APP: variants seen among roughly 807,000 people sequenced by gnomAD.
APP encodes amyloid beta precursor protein.
A neutral mutation model predicts 101.4 loss-of-function variants in APP; 31 were observed. That is an observed-to-expected ratio of 0.31 (90% CI 0.23 to 0.41). The LOEUF (loss-of-function observed/expected upper bound fraction) is 0.41, where lower values mean the gene tolerates loss of function less well. Ranked by LOEUF, APP falls within the 10% of genes least tolerant of loss-of-function variation. The probability of loss-of-function intolerance (pLI) is 1.00; values close to 1 mark genes in which losing one functional copy is unlikely to be tolerated. For missense variants in APP, 839 were observed against 1,003.7 expected (o/e 0.84, Z 2.22); for synonymous variants, 366 against 364.4 (o/e 1.00, Z -0.05).
At chr21:26,034,760 T>C (rs1012881795) in intron 5 of APP, among the ~76,000 whole-genome samples, 2 of 152,170 alleles carry the variant, frequency 1.3e-5, no homozygotes, top group African/African-American at 2.4e-5. Context: ...AAATTGTGTA[T>C]GAAAAGCCAT....
At chr21:26,032,744 A>T (rs916908353) in intron 5 of APP, among the ~76,000 whole-genome samples, 7 of 151,884 alleles carry the variant, frequency 4.6e-5, no homozygotes, top group African/African-American at 1.7e-4. Context: ...TGGTATAAAA[A>T]TATCATTTGT....
intron 1 of APP, among the ~76,000 whole-genome samples, chr21:26,131,454 CAT>C (rs1361038377): frequency 1.3e-5 from 2 of 152,120 alleles, no homozygotes; most frequent in African/African-American, 4.8e-5. Flanking sequence ...GTCAGTCACT[CAT>C]ATATTTGTTG....
intron 1 of APP, among the ~76,000 whole-genome samples, chr21:26,163,218 T>G (rs2063531800): frequency 8.6e-6 from 1 of 115,916 alleles, no homozygotes; most frequent in Admixed American, 1.2e-4. Flanking sequence ...CCAGCCTGGG[T>G]GACACAGTAA....
chr21:26,005,426 AAAT>A (rs2043489913), intron 6 of APP, among the ~76,000 whole-genome samples: 1 of 152,182 alleles, frequency 6.6e-6, no homozygotes, highest in Admixed American at 6.5e-5. Flanking sequence ...AAAAAGAAAA[AAAT>A]AATGATAATA....
intron 1 of APP, among the ~76,000 whole-genome samples, chr21:26,164,239 C>T (rs759978397): frequency 1.3e-5 from 2 of 152,124 alleles, no homozygotes; most frequent in African/African-American, 2.4e-5. Flanking sequence ...GGCGAGACTC[C>T]GTCTCAAAAA....
chr21:25,932,618 C>T (rs899922588), intron 13 of APP, among the ~76,000 whole-genome samples: 1 of 152,086 alleles, frequency 6.6e-6, no homozygotes, highest in Non-Finnish European at 1.5e-5. Context: ...TGAAAATTTA[C>T]ACAAAATTCT....
At chr21:25,943,816 A>G (rs1184161222) in intron 13 of APP, among the ~76,000 whole-genome samples, 2 of 152,242 alleles carry the variant, frequency 1.3e-5, no homozygotes, top group African/African-American at 2.4e-5. Flanking sequence ...ATACCTAGTG[A>G]TATCTCAGTG....
intron 13 of APP, among the ~76,000 whole-genome samples, chr21:25,917,400 A>G (rs2039406047): frequency 6.6e-6 from 1 of 152,192 alleles, no homozygotes; most frequent in South Asian, 2.1e-4. Flanking sequence ...TTTCATCTTC[A>G]AACAGCTAAA....
intron 11 of APP, among the ~76,000 whole-genome samples, chr21:25,968,027 G>A (rs2041863177): frequency 6.6e-6 from 1 of 152,190 alleles, no homozygotes; most frequent in Non-Finnish European, 1.5e-5. Context: ...GTTTAGAAGA[G>A]TCACTAGCCT....
At chr21:26,117,473 CAG>C (rs1000200335) in intron 1 of APP, among the ~76,000 whole-genome samples, 1 of 152,266 alleles carries the variant, frequency 6.6e-6, no homozygotes, top group African/African-American at 2.4e-5. Context: ...TCATCACTAA[CAG>C]AGAACTGAAA....
In APP at chr21:25,942,349, C is replaced by G. The variant is rs370760810; in HGVS notation, c.1687+12241G>C. The G allele has an allele frequency of 3.3e-5, 5 of 152,156 alleles. No individual in the cohort carries two copies. In the East Asian group the frequency reaches 9.6e-4, roughly 29 times the overall value. The allele number at this position is 152,156 out of a possible 1,614,324, so 9.4% of individuals were successfully genotyped here. On this transcript the variant is annotated intron_variant, in intron 13 of 17. Transcript: ENST00000346798. ...ATTCAGTCTTTAGTCTTATTCATCACGTCTGACCTTGGGCATATTACATGG... is the reference window on the plus strand; with the variant it reads ...ATTCAGTCTTTAGTCTTATTCATCAGGTCTGACCTTGGGCATATTACATGG...
intron 14 of APP, among the ~76,000 whole-genome samples, chr21:25,906,692 T>C (rs960784395): frequency 6.6e-6 from 1 of 152,170 alleles, no homozygotes; most frequent in Non-Finnish European, 1.5e-5. Context: ...TGCAGCAACC[T>C]GTAATGAGTA....
At chr21:26,154,270 T>C (rs553511763) in intron 1 of APP, among the ~76,000 whole-genome samples, 1 of 152,294 alleles carries the variant, frequency 6.6e-6, no homozygotes, top group African/African-American at 2.4e-5. Context: ...TGTACATGTT[T>C]ACATACCCAT....
chr21:25,993,298 AT>A (rs869159017), intron 8 of APP, among the ~76,000 whole-genome samples: 22 of 282 alleles, frequency 0.078, no homozygotes, highest in Non-Finnish European at 0.12. Flanking sequence ...CTATAAGGCC[AT>A]CAAACATAAT....
intron 14 of APP, among the ~76,000 whole-genome samples, chr21:25,908,027 AG>A (rs1392905265): frequency 6.6e-6 from 1 of 152,260 alleles, no homozygotes; most frequent in African/African-American, 2.4e-5. Flanking sequence ...ATCTACAAAG[AG>A]GCAGACTGTT....
intron 5 of APP, among the ~76,000 whole-genome samples, chr21:26,026,223 C>T (rs2044567531): frequency 2.0e-5 from 3 of 152,216 alleles, no homozygotes. Flanking sequence ...ATACCACATT[C>T]GCAGACTTTA....
chr21:25,970,934 T>C lies in APP; in HGVS notation c.1458+4136A>G, dbSNP rs145232652. 3.1e-3 allele frequency among the ~76,000 whole-genome samples: 471 copies of C among 152,354 alleles called. 1 individual carries two copies. Among genetic ancestry groups the C allele is most frequent in the African/African-American group, 0.011 (442 of 41,572 alleles). ...AAATCGGTGCAAATGGGTGACTTTC[T>C]GGTTAAGTTGCATAAAATGCACAAA... On this transcript the variant is annotated intron_variant, in intron 11 of 17. Coordinates refer to ENST00000346798, the MANE Select transcript of APP (RefSeq NM_000484.4).
chr21:26,162,570 G>A (rs1308575753), intron 1 of APP, among the ~76,000 whole-genome samples: 6 of 151,890 alleles, frequency 4.0e-5, no homozygotes, highest in Admixed American at 6.6e-5. Context: ...TCTAAAACAC[G>A]TTAAGTCTAT....
chr21:25,953,674 G>A (rs574080041), intron 13 of APP, among the ~76,000 whole-genome samples: 4 of 152,264 alleles, frequency 2.6e-5, no homozygotes, highest in South Asian at 2.1e-4. Flanking sequence ...CAACATAATC[G>A]TCATCTATGT....
Sources: gnomAD v4.1 joint callset for allele counts (sites outside exome capture counted in the v4.1 genomes callset) on GRCh38, gnomAD v4.1.1 for gene constraint, MANE v1.5 for transcripts, NCBI Gene and HGNC (gene_info 2026-07-23, HGNC 2026-07-21) for gene names.